CPEB1: variants seen among roughly 807,000 people sequenced by gnomAD.
CPEB1 encodes the protein cytoplasmic polyadenylation element binding protein 1.
In CPEB1, 7 loss-of-function variants were observed where a neutral mutation model predicts 65.8. The ratio of observed to expected loss-of-function variants is 0.11; its 90% CI spans 0.06 to 0.20. CPEB1 has a LOEUF of 0.20. CPEB1 is among the 10% of genes least tolerant of loss of function. CPEB1 has a pLI of 1.00. For synonymous variants in CPEB1, 262 were observed against 260.0 expected, an observed-to-expected ratio of 1.01 and a Z score of -0.08; for missense variants, 551 against 712.2, an observed-to-expected ratio of 0.77 and a Z score of 2.58.
At chr15:82,621,347 T>C (rs1596119505) in intron 3 of CPEB1, among the ~76,000 whole-genome samples, 1 of 147,202 alleles carries the variant, frequency 6.8e-6, no homozygotes, top group East Asian at 2.0e-4. Flanking sequence ...CCAGGCCAGG[T>C]GCAGTGGCTC....
chr15:82,635,784 T>C (rs1020003430), intron 1 of CPEB1, among the ~76,000 whole-genome samples: 1 of 152,220 alleles, frequency 6.6e-6, no homozygotes, highest in African/African-American at 2.4e-5. Context: ...GTATCTAAAA[T>C]GGTTTCACAA....
intron 3 of CPEB1, among the ~76,000 whole-genome samples, chr15:82,625,812 T>A (rs1223035268): frequency 1.3e-5 from 2 of 152,080 alleles, no homozygotes; most frequent in African/African-American, 4.8e-5. Flanking sequence ...AAACATATAT[T>A]CTTTCATCTA....
Position 82,544,560 on chromosome 15 carries a change from G to T in CPEB1, c.*32C>A. On this transcript the variant is annotated 3_prime_UTR_variant, in exon 13 of 13. Transcript: ENST00000684509. ...TGCTTGCCTGACCTGCCAGCTTTGGGCGCCACAGGCCACTGGGCAAGGCCA... is the reference window on the plus strand; with the variant it reads ...TGCTTGCCTGACCTGCCAGCTTTGGTCGCCACAGGCCACTGGGCAAGGCCA... 1 of 1,561,298 alleles carries T rather than the reference G, an allele frequency of 6.4e-7. No individual in the cohort carries two copies. The highest frequency in any genetic ancestry group is 8.8e-7 in the Non-Finnish European group (1 of 1,138,192).
At chr15:82,546,654 A>C in intron 11 of CPEB1, 133 bp from the exon 12 acceptor site, 1 of 709,430 alleles carries the variant, frequency 1.4e-6, no homozygotes, top group Non-Finnish European at 2.5e-6. Context: ...TGCCTGTTTT[A>C]AAGGAGGCTT....
chr15:82,596,552 G>A (rs1459947626), intron 3 of CPEB1, among the ~76,000 whole-genome samples: 1 of 151,976 alleles, frequency 6.6e-6, no homozygotes, highest in Non-Finnish European at 1.5e-5. Context: ...CAAAAAATTA[G>A]CTGGGCATGG....
intron 3 of CPEB1, among the ~76,000 whole-genome samples, chr15:82,578,109 C>T (rs1027319508): frequency 6.6e-6 from 1 of 151,928 alleles, no homozygotes; most frequent in African/African-American, 2.4e-5. Flanking sequence ...CACTGCACTC[C>T]AGCCTGGGCA....
At chr15:82,560,872 G>A (rs1162815511) in intron 4 of CPEB1, among the ~76,000 whole-genome samples, 3 of 152,250 alleles carry the variant, frequency 2.0e-5, no homozygotes, top group African/African-American at 7.2e-5. Context: ...TCAGATACCT[G>A]GATGGACACT....
intron 3 of CPEB1, among the ~76,000 whole-genome samples, chr15:82,619,240 C>T (rs1248146032): frequency 6.6e-6 from 1 of 152,178 alleles, no homozygotes; most frequent in Non-Finnish European, 1.5e-5. Flanking sequence ...AGTCAACTGG[C>T]TATCCACACA....
intron 3 of CPEB1, chr15:82,571,851 C>T (rs2040081651): frequency 4.5e-6 from 5 of 1,108,614 alleles, no homozygotes; most frequent in Admixed American, 4.6e-5. Flanking sequence ...GCGGCATCAT[C>T]CCTCACAGAA....
intron 3 of CPEB1, among the ~76,000 whole-genome samples, chr15:82,609,420 G>T (rs780673716): frequency 1.3e-5 from 2 of 151,938 alleles, no homozygotes; most frequent in African/African-American, 4.8e-5. Context: ...AGGATTGTTT[G>T]AGCCTGGGAG....
chr15:82,605,644 C>T (rs1001626777), intron 3 of CPEB1, among the ~76,000 whole-genome samples: 1 of 152,096 alleles, frequency 6.6e-6, no homozygotes. Flanking sequence ...CACTGTACAC[C>T]ATAAAGTTCT....
chr15:82,626,917 A>G (rs1761973635), intron 3 of CPEB1, among the ~76,000 whole-genome samples: 1 of 152,238 alleles, frequency 6.6e-6, no homozygotes, highest in Non-Finnish European at 1.5e-5. Context: ...TGTGATCCAC[A>G]TTATATCTCT....
chr15:82,568,415 T>G (rs551817408), intron 4 of CPEB1, among the ~76,000 whole-genome samples: 5 of 152,214 alleles, frequency 3.3e-5, no homozygotes, highest in Admixed American at 3.3e-4. Context: ...AACGCACTTA[T>G]AACACTCATC....
At chr15:82,609,478 G>A (rs1250828039) in intron 3 of CPEB1, among the ~76,000 whole-genome samples, 2 of 151,746 alleles carry the variant, frequency 1.3e-5, no homozygotes, top group African/African-American at 4.8e-5. Flanking sequence ...TCCAGCCTGG[G>A]CAACAGAGCG....
chr15:82,566,172 C>A (rs2039088639), intron 4 of CPEB1, among the ~76,000 whole-genome samples: 1 of 152,180 alleles, frequency 6.6e-6, no homozygotes, highest in Admixed American at 6.5e-5. Flanking sequence ...GCAATGGCAA[C>A]AAGAGCCTGG....
chr15:82,641,827 C>T (rs1201896705), intron 1 of CPEB1: 2 of 151,756 alleles, frequency 1.3e-5, no homozygotes, highest in East Asian at 1.9e-4. Flanking sequence ...TAAAGCTCAA[C>T]CCCAGTCAGT....
chr15:82,564,972 T>G (rs2038883803), intron 4 of CPEB1, among the ~76,000 whole-genome samples: 1 of 152,142 alleles, frequency 6.6e-6, no homozygotes, highest in Admixed American at 6.5e-5. Context: ...AAAGGGGCAA[T>G]GCCATCCTAG....
At chr15:82,626,074 C>T (rs887498109) in intron 3 of CPEB1, among the ~76,000 whole-genome samples, 77 of 151,422 alleles carry the variant, frequency 5.1e-4, no homozygotes, top group African/African-American at 1.8e-3. Flanking sequence ...GAGCTGAGAT[C>T]GCACCACTGC....
intron 3 of CPEB1, among the ~76,000 whole-genome samples, chr15:82,613,793 G>A (rs1196160301): frequency 1.4e-5 from 2 of 147,178 alleles, no homozygotes; most frequent in African/African-American, 5.1e-5. Context: ...CCCTAAGACT[G>A]GAAACAAGCT....
Sources: allele counts gnomAD v4.1 joint callset (sites outside exome capture counted in the v4.1 genomes callset), GRCh38; gene constraint gnomAD v4.1.1; transcripts MANE v1.5; gene names NCBI Gene and HGNC (gene_info 2026-07-23, HGNC 2026-07-21).